The following PARD3 variants were observed in gnomAD, a reference collection of about 807,000 sequenced individuals.
PARD3 encodes partitioning defective 3 homolog.
In PARD3, 75 loss-of-function variants were observed where a neutral mutation model predicts 155.4. The ratio of observed to expected loss-of-function variants is 0.48; its 90% CI spans 0.40 to 0.58. The LOEUF (loss-of-function observed/expected upper bound fraction) is 0.58. Among genes scored for constraint, PARD3 ranks in the 20% least tolerant of loss-of-function variants. The pLI is 0.00. For synonymous variants in PARD3, 576 were observed against 610.5 expected (o/e 0.94, Z 0.83); for missense variants, 1,642 against 1,721.7 (o/e 0.95, Z 0.82).
At chr10:34,391,386 G>A (rs529758834) in intron 7 of PARD3, among the ~76,000 whole-genome samples, 1 of 152,258 alleles carries the variant, frequency 6.6e-6, no homozygotes, top group African/African-American at 2.4e-5. Context: ...CCAGCAGAGC[G>A]AAGGGAGAAG....
At chr10:34,725,144 T>TGA (rs911861518) in intron 1 of PARD3, among the ~76,000 whole-genome samples, 1 of 119,010 alleles carries the variant, frequency 8.4e-6, no homozygotes, top group Admixed American at 8.9e-5. Context: ...TGTGTGTGTG[T>TGA]GTGTGTGACA....
chr10:34,214,452 G>A (rs1951904467), intron 22 of PARD3, among the ~76,000 whole-genome samples: 1 of 152,146 alleles, frequency 6.6e-6, no homozygotes, highest in Non-Finnish European at 1.5e-5. Context: ...GCAACGTGGG[G>A]TGGTGATGCC....
At chr10:34,319,184 G>T (rs1403235283) in intron 19 of PARD3, among the ~76,000 whole-genome samples, 6 of 150,766 alleles carry the variant, frequency 4.0e-5, no homozygotes, top group Admixed American at 1.3e-4. Context: ...CACCTCCCGG[G>T]TTCATGTGAT....
intron 4 of PARD3, among the ~76,000 whole-genome samples, chr10:34,456,273 A>C (rs1235051515): frequency 1.3e-5 from 2 of 152,134 alleles, no homozygotes; most frequent in African/African-American, 4.8e-5. Flanking sequence ...AAATTACTTA[A>C]GTAATATTTC....
chr10:34,572,894 A>G (rs1397785547), intron 2 of PARD3, among the ~76,000 whole-genome samples: 2 of 152,208 alleles, frequency 1.3e-5, no homozygotes, highest in Non-Finnish European at 2.9e-5. Flanking sequence ...GAATTTTAAC[A>G]TAAAATCCAT....
At chr10:34,671,009 G>A (rs1346401503) in intron 2 of PARD3, among the ~76,000 whole-genome samples, 1 of 152,152 alleles carries the variant, frequency 6.6e-6, no homozygotes, top group Non-Finnish European at 1.5e-5. Context: ...CAGAGTCATC[G>A]GACAGAGGCA....
chr10:34,473,148 G>A (rs1394863396), intron 3 of PARD3, among the ~76,000 whole-genome samples: 2 of 152,144 alleles, frequency 1.3e-5, no homozygotes, highest in Admixed American at 6.5e-5. Flanking sequence ...CTGCTACAGC[G>A]AATGCTCTAT....
intron 3 of PARD3, among the ~76,000 whole-genome samples, chr10:34,509,409 A>C (rs539244691): frequency 1.3e-5 from 2 of 152,294 alleles, no homozygotes; most frequent in South Asian, 4.1e-4. Context: ...ACAGCCCCAA[A>C]GCCAGTATGT....
chr10:34,270,789 T>C (rs1405594272), intron 21 of PARD3, among the ~76,000 whole-genome samples: 1 of 152,174 alleles, frequency 6.6e-6, no homozygotes, highest in African/African-American at 2.4e-5. Flanking sequence ...AATTAAGGAC[T>C]AGAAGGCATG....
intron 2 of PARD3, among the ~76,000 whole-genome samples, chr10:34,629,410 A>AG (rs973866083): frequency 1.3e-5 from 2 of 151,638 alleles, no homozygotes; most frequent in African/African-American, 2.4e-5. Context: ...AAAGGCACAA[A>AG]GGGGGGTATT....
intron 22 of PARD3, among the ~76,000 whole-genome samples, chr10:34,260,079 A>G (rs1954877354): frequency 6.6e-6 from 1 of 152,158 alleles, no homozygotes; most frequent in African/African-American, 2.4e-5. Context: ...GGCTCAAGCA[A>G]TCCTCCTATG....
chr10:34,258,901 G>A (rs180820272), intron 22 of PARD3, among the ~76,000 whole-genome samples: 7 of 152,058 alleles, frequency 4.6e-5, no homozygotes, highest in Admixed American at 3.3e-4. Context: ...GTGAGACTCC[G>A]TCTCTACAAA....
intron 1 of PARD3, among the ~76,000 whole-genome samples, chr10:34,741,942 A>C (rs2095026461): frequency 6.6e-6 from 1 of 152,230 alleles, no homozygotes; most frequent in Non-Finnish European, 1.5e-5. Flanking sequence ...AAAATGTACA[A>C]TATAACAATA....
chr10:34,357,634 A>G (rs1052601145), intron 14 of PARD3, among the ~76,000 whole-genome samples: 11 of 152,234 alleles, frequency 7.2e-5, no homozygotes, highest in East Asian at 1.9e-4. Flanking sequence ...AGAGAAAAAA[A>G]TATCAGTCCA....
chr10:34,533,423 C>T (rs1309401447), intron 2 of PARD3, among the ~76,000 whole-genome samples: 1 of 151,960 alleles, frequency 6.6e-6, no homozygotes, highest in Non-Finnish European at 1.5e-5. Flanking sequence ...CTCCTGAATC[C>T]AAAATAAAAG....
At chr10:34,146,793 C>T (rs1948530798) in intron 22 of PARD3, among the ~76,000 whole-genome samples, 2 of 152,172 alleles carry the variant, frequency 1.3e-5, no homozygotes, top group South Asian at 4.1e-4. Context: ...TCCCACTTTT[C>T]CCACTGCATG....
chr10:34,318,257 G>A (rs1333464212), intron 19 of PARD3, among the ~76,000 whole-genome samples: 1 of 152,196 alleles, frequency 6.6e-6, no homozygotes, highest in East Asian at 1.9e-4. Flanking sequence ...GAAGCAGAGA[G>A]ACACGTATGA....
intron 2 of PARD3, among the ~76,000 whole-genome samples, chr10:34,519,820 A>AAATAAC (rs1554884055): frequency 1.9e-4 from 25 of 133,852 alleles, no homozygotes; most frequent in African/African-American, 6.5e-4. Context: ...TCTCAAAATA[A>AAATAAC]ATAACATAAC....
intron 24 of PARD3, among the ~76,000 whole-genome samples, chr10:34,112,888 G>A (rs1029985009): frequency 6.6e-6 from 1 of 152,198 alleles, no homozygotes; most frequent in Non-Finnish European, 1.5e-5. Flanking sequence ...TCCATAGCAT[G>A]TCTGTCTCTT....
Sources: gnomAD v4.1 joint callset for allele counts (sites outside exome capture counted in the v4.1 genomes callset) on GRCh38, gnomAD v4.1.1 for gene constraint, MANE v1.5 for transcripts, NCBI Gene and HGNC (gene_info 2026-07-23, HGNC 2026-07-21) for gene names.